Variants in KCNE5 observed in about 807,000 individuals in gnomAD.
KCNE5 encodes the protein potassium voltage-gated channel subfamily E regulatory subunit 5, also known as potassium voltage-gated channel subfamily E regulatory beta subunit 5.
For synonymous variants in KCNE5, 65 were observed against 62.3 expected (o/e 1.04, Z -0.20); for missense variants, 131 against 132.9 (o/e 0.99, Z 0.07).
In KCNE5 at chrX:109,624,723, C is replaced by G. The variant is rs775987548; in HGVS notation, c.298G>C (p.Glu100Gln). The change falls in exon 1 of 1, where the codon GAG (glutamate) becomes CAG (glutamine). Residue 100 changes from glutamate to glutamine, a missense_variant. Physicochemically the swap from Glu to Gln is conservative, Grantham distance 29. Transcript: ENST00000372101. ...AKDEPSQACA[E>Q]HEWAPGGALT... is the part of the protein sequence containing the mutation. Reference sequence around the variant, plus strand: ...GCGCCTCCCGGGGCCCATTCGTGCTCGGCGCAAGCCTGGGACGGCTCGTCC... The same window carrying G: ...GCGCCTCCCGGGGCCCATTCGTGCTGGGCGCAAGCCTGGGACGGCTCGTCC... 240 of 1,205,677 alleles carry G rather than the reference C, an allele frequency of 2.0e-4. No individual in the cohort carries two copies. The highest frequency in any genetic ancestry group is 2.6e-4 in the Non-Finnish European group (228 of 892,760).
Position 109,624,810 on chromosome X carries a change from C to G in KCNE5, c.211G>C (p.Ala71Pro). 8.3e-7 allele frequency: 1 copy of G among 1,212,101 alleles called. No individual in the cohort carries two copies. The highest frequency in any genetic ancestry group is 3.0e-5 in the East Asian group (1 of 33,800). Residue 71 changes from alanine to proline, a missense_variant, in exon 1 of 1, where the codon GCC becomes CCC. Physicochemically the swap from Ala to Pro is conservative, Grantham distance 27. Transcript: ENST00000372101. Reference sequence around the variant, plus strand: ...AGGATGAGGCCTCCGGCCAAGCAGGCGTAGAAGATCATGATGAGCAGGATG... The same window carrying G: ...AGGATGAGGCCTCCGGCCAAGCAGGGGTAGAAGATCATGATGAGCAGGATG... Reference protein sequence around the residue: ...LYILLIMIFYACLAGGLILAY... With the variant: ...LYILLIMIFYPCLAGGLILAY...
At position 109,624,739 on chromosome X, in the gene KCNE5, C is replaced by T. The variant is rs1934264095; in HGVS notation, c.282G>A (p.Pro94=). ...SRKLVEAKDE[P]SQACAEHEWA... ...ATTCGTGCTCGGCGCAAGCCTGGGA[C>T]GGCTCGTCCTTGGCCTCGACGAGCT... The change falls in exon 1 of 1, where the codon CCG becomes CCA. Residue 94 remains proline, a synonymous_variant. Coordinates refer to ENST00000372101, the MANE Select transcript of KCNE5 (RefSeq NM_012282.4). 1 of 1,209,615 alleles carries T rather than the reference C, an allele frequency of 8.3e-7. No homozygotes were observed. Among genetic ancestry groups the T allele is most frequent in the Non-Finnish European group, 1.1e-6 (1 of 894,411 alleles).
Position 109,624,459 on chromosome X carries a change from T to A in KCNE5, c.*133A>T. The A allele has an allele frequency of 1.7e-6, 1 of 585,413 alleles. No homozygotes were observed. The highest frequency in any genetic ancestry group is 3.6e-5 in the South Asian group (1 of 27,782). The allele number at this position is 585,413 out of a possible 1,213,427, so 48.2% of individuals were successfully genotyped here. On this transcript the variant is annotated 3_prime_UTR_variant, in exon 1 of 1. Coordinates refer to ENST00000372101, the MANE Select transcript of KCNE5 (RefSeq NM_012282.4). ...CTTCCAGGGCCTTCCAGACAAGGTC[T>A]CCTGGCCTCTCACCATTATCTGGGC...
rs756107537 is a variant in KCNE5 at position 109,625,001 on chromosome X, T to C, written c.20A>G (p.Gln7Arg). The C allele has an allele frequency of 1.7e-5, 20 of 1,198,945 alleles. No individual in the cohort carries two copies. The highest frequency in any genetic ancestry group is 3.0e-5 in the East Asian group (1 of 33,043). MNCSES[Q>R]RLRTLLSRLL... ...GCGGCTCAGAAGGGTTCGCAGCCGC[T>C]GGCTCTCGCTGCAGTTCATGGCTTT... The change falls in exon 1 of 1, where the codon CAG (glutamine) becomes CGG (arginine). Residue 7 changes from glutamine to arginine, a missense_variant. Coordinates refer to ENST00000372101, the MANE Select transcript of KCNE5 (RefSeq NM_012282.4).
In KCNE5 at chrX:109,624,653, C is replaced by T. The variant is rs746974037; in HGVS notation, c.368G>A (p.Gly123Asp). The change falls in exon 1 of 1, where the codon GGC becomes GAC. Residue 123 changes from glycine (G) to aspartate (D), a missense_variant. Coordinates refer to ENST00000372101, the MANE Select transcript of KCNE5 (RefSeq NM_012282.4). ...CCCCTCGGAGGCAAGCTGGCGGCGG[C>T]CCTCGGCCTGGGAGCCCGCGGCAGC... ...AEAAAGSQAE[G>D]RRQLASEGLP... 18 of 1,158,768 alleles carry T rather than the reference C, an allele frequency of 1.6e-5. No individual in the cohort carries two copies. In the South Asian group the frequency reaches 3.5e-4, roughly 23 times the overall value.
Position 109,624,515 on chromosome X carries a change from G to A in KCNE5, c.*77C>T. 1.1e-6 allele frequency: 1 copy of A among 907,143 alleles called. No homozygotes were observed. The highest frequency in any genetic ancestry group is 1.5e-6 in the Non-Finnish European group (1 of 688,165). 74.8% of individuals were successfully genotyped at this position (907,143 alleles called of 1,213,427 possible). A position where few individuals can be genotyped will look rare whatever the true frequency, so the allele number is the denominator to read the frequency against. Reference sequence around the variant, plus strand: ...ATGAGGCGAACCCTGGAAGGGAGTTGGGGGTGGAAGGTGGGAGGCGCGCCC... The same window carrying A: ...ATGAGGCGAACCCTGGAAGGGAGTTAGGGGTGGAAGGTGGGAGGCGCGCCC... On this transcript the variant is annotated 3_prime_UTR_variant, in exon 1 of 1. Coordinates refer to ENST00000372101, the MANE Select transcript of KCNE5 (RefSeq NM_012282.4).
At position 109,624,579 on chromosome X, in the gene KCNE5, T is replaced by C. The variant is rs1488532184; in HGVS notation, c.*13A>G. ...ATGAGGAGGGCGCGAACCAGCAATC[T>C]GGGGCTGTGGTTTTAGACCCGCTCA... On this transcript the variant is annotated 3_prime_UTR_variant, in exon 1 of 1. Transcript: ENST00000372101. 2 of 1,094,257 alleles carry C rather than the reference T, an allele frequency of 1.8e-6. No homozygotes were observed. Among genetic ancestry groups the C allele is most frequent in the Non-Finnish European group, 2.4e-6 (2 of 842,871 alleles). 90.2% of individuals were successfully genotyped at this position (1,094,257 alleles called of 1,213,427 possible). A position where few individuals can be genotyped will look rare whatever the true frequency, so the allele number is the denominator to read the frequency against.
rs1934254950 is a variant in KCNE5, at chrX:109,624,306, G to T, written c.*286C>A. 9.8e-6 allele frequency: 3 copies of T among 306,363 alleles called. No homozygotes were observed. Among genetic ancestry groups the T allele is most frequent in the Admixed American group, 6.0e-5 (1 of 16,619 alleles). The allele number at this position is 306,363 out of a possible 1,213,427, so 25.2% of individuals were successfully genotyped here. ...GATTCAGTTCCCAGAGGGCTGGAGC[G>T]TGCTGTCAGGGCTGTCTGAAGACAA... is the stretch of plus-strand genomic sequence containing the variant. On this transcript the variant is annotated 3_prime_UTR_variant, in exon 1 of 1. Coordinates refer to ENST00000372101, the MANE Select transcript of KCNE5 (RefSeq NM_012282.4).
In KCNE5 at chrX:109,624,624, G is replaced by C; in HGVS notation, c.397C>G (p.Pro133Ala). ...CGCTCAGCGCCCTGGGCGAGGGCAG[G>C]CAGCCCCTCGGAGGCAAGCTGGCGG... is the stretch of plus-strand genomic sequence containing the variant. Reference protein sequence around the residue: ...GRRQLASEGLPALAQGAERV With the variant: ...GRRQLASEGLAALAQGAERV Residue 133 changes from proline (P) to alanine (A), a missense_variant, in exon 1 of 1, where the codon CCT (proline) becomes GCT (alanine). By Grantham distance (27) the Pro-to-Ala change is conservative. Transcript: ENST00000372101. 1 of 1,136,575 alleles carries C rather than the reference G, an allele frequency of 8.8e-7. No homozygotes were observed. The highest frequency in any genetic ancestry group is 1.2e-6 in the Non-Finnish European group (1 of 862,049). The allele number at this position is 1,136,575 out of a possible 1,213,427, so 93.7% of individuals were successfully genotyped here.
Position 109,624,776 on chromosome X carries a change from G to T in KCNE5, c.245C>A (p.Thr82Asn). 5 of 1,212,226 alleles carry T rather than the reference G, an allele frequency of 4.1e-6. No individual in the cohort carries two copies. Among genetic ancestry groups the T allele is most frequent in the Non-Finnish European group, 4.5e-6 (4 of 895,466 alleles). The change falls in exon 1 of 1, where the codon ACC (threonine) becomes AAC (asparagine). Residue 82 changes from threonine to asparagine, a missense_variant. Physicochemically the swap from Thr to Asn is moderately conservative, Grantham distance 65. Coordinates refer to ENST00000372101, the MANE Select transcript of KCNE5 (RefSeq NM_012282.4). Reference protein sequence around the residue: ...CLAGGLILAYTRSRKLVEAKD... With the variant: ...CLAGGLILAYNRSRKLVEAKD... ...GGCCTCGACGAGCTTACGGGAGCGG[G>T]TGTAGGCCAGGATGAGGCCTCCGGC... is the stretch of plus-strand genomic sequence containing the variant.
Position 109,624,521 on chromosome X carries a change from G to C in KCNE5, c.*71C>G, listed in dbSNP as rs772468222. The C allele has an allele frequency of 2.0e-4, 194 of 948,711 alleles. 1 individual carries two copies. In the African/African-American group the frequency reaches 3.4e-3, roughly 17 times the overall value. 78.2% of individuals were successfully genotyped at this position (948,711 alleles called of 1,213,427 possible). A position where few individuals can be genotyped will look rare whatever the true frequency, so the allele number is the denominator to read the frequency against. On this transcript the variant is annotated 3_prime_UTR_variant, in exon 1 of 1. Coordinates refer to ENST00000372101, the MANE Select transcript of KCNE5 (RefSeq NM_012282.4). ...CGAACCCTGGAAGGGAGTTGGGGGT[G>C]GAAGGTGGGAGGCGCGCCCAGGGAT...
At position 109,624,958 on chromosome X, in the gene KCNE5, G is replaced by A. The variant is rs761218560; in HGVS notation, c.63C>T (p.His21=). 6 of 1,210,790 alleles carry A rather than the reference G, an allele frequency of 5.0e-6. No homozygotes were observed. The East Asian group carries it at 1.5e-4, about 30-fold the overall frequency. Residue 21 remains histidine (H), a synonymous_variant, in exon 1 of 1, where the codon CAC becomes CAT. Coordinates refer to ENST00000372101, the MANE Select transcript of KCNE5 (RefSeq NM_012282.4). ...TLLSRLLLEL[H]HRGNASGLGA... Reference sequence around the variant, plus strand: ...CCAAGCCGCTGGCATTACCCCGGTGGTGCAGCTCGAGCAACAGGCGGCTCA... The same window carrying A: ...CCAAGCCGCTGGCATTACCCCGGTGATGCAGCTCGAGCAACAGGCGGCTCA...
chrX:109,625,040 G>A lies in KCNE5; in HGVS notation c.-20C>T. On this transcript the variant is annotated 5_prime_UTR_variant, in exon 1 of 1. Coordinates refer to ENST00000372101, the MANE Select transcript of KCNE5 (RefSeq NM_012282.4). The stretch of plus-strand genomic sequence containing the variant: ...GTTCATGGCTTTCGGGGAGTGACAC[G>A]GCGGCTCCAGGACGCTGCTGACCTT... The A allele has an allele frequency of 8.5e-6, 10 of 1,174,912 alleles. No individual in the cohort carries two copies. The highest frequency in any genetic ancestry group is 1.1e-5 in the Non-Finnish European group (10 of 876,694).
At position 109,624,442 on chromosome X, in the gene KCNE5, G is replaced by A. The variant is rs902989841; in HGVS notation, c.*150C>T. 4.0e-6 allele frequency: 2 copies of A among 502,801 alleles called. No individual in the cohort carries two copies. Among genetic ancestry groups the A allele is most frequent in the Non-Finnish European group, 6.1e-6 (2 of 330,382 alleles). The allele number at this position is 502,801 out of a possible 1,213,427, so 41.4% of individuals were successfully genotyped here. On this transcript the variant is annotated 3_prime_UTR_variant, in exon 1 of 1. Coordinates refer to ENST00000372101, the MANE Select transcript of KCNE5 (RefSeq NM_012282.4). ...GTAAGGTGGTGCTTCTCCTTCCAGGGCCTTCCAGACAAGGTCTCCTGGCCT... is the reference window on the plus strand; with the variant it reads ...GTAAGGTGGTGCTTCTCCTTCCAGGACCTTCCAGACAAGGTCTCCTGGCCT...
Position 109,625,121 on chromosome X carries a change from C to T in KCNE5, c.-101G>A. The stretch of plus-strand genomic sequence containing the variant: ...AGCGGGCCGGCCGGCGGGCAGGGCT[C>T]AGCAGCGGAAACAGCGGTAGCACCC... On this transcript the variant is annotated 5_prime_UTR_variant, in exon 1 of 1. Coordinates refer to ENST00000372101, the MANE Select transcript of KCNE5 (RefSeq NM_012282.4). 1 of 970,183 alleles carries T rather than the reference C, an allele frequency of 1.0e-6. No homozygotes were observed. The highest frequency in any genetic ancestry group is 1.4e-6 in the Non-Finnish European group (1 of 700,336). The allele number at this position is 970,183 out of a possible 1,213,427, so 80.0% of individuals were successfully genotyped here.
In KCNE5 at chrX:109,624,688, G is replaced by A. The variant is rs752061790; in HGVS notation, c.333C>T (p.Ala111=). 100 of 1,184,342 alleles carry A rather than the reference G, an allele frequency of 8.4e-5. 1 individual carries two copies. In the Admixed American group the frequency reaches 1.3e-3, roughly 16 times the overall value. Residue 111 remains alanine, a synonymous_variant, in exon 1 of 1, where the codon GCC becomes GCT. Coordinates refer to ENST00000372101, the MANE Select transcript of KCNE5 (RefSeq NM_012282.4). The part of the protein sequence containing the change: ...HEWAPGGALT[A]DAEAAAGSQA... ...GGGAGCCCGCGGCAGCCTCGGCGTCGGCGGTCAGGGCGCCTCCCGGGGCCC... is the reference window on the plus strand; with the variant it reads ...GGGAGCCCGCGGCAGCCTCGGCGTCAGCGGTCAGGGCGCCTCCCGGGGCCC...
chrX:109,624,759 C>T lies in KCNE5; in HGVS notation c.262G>A (p.Val88Ile), dbSNP rs145491359. The change falls in exon 1 of 1, where the codon GTC becomes ATC. Residue 88 changes from valine (V) to isoleucine (I), a missense_variant. By Grantham distance (29) the Val-to-Ile change is conservative. Coordinates refer to ENST00000372101, the MANE Select transcript of KCNE5 (RefSeq NM_012282.4). ...ILAYTRSRKL[V>I]EAKDEPSQAC... ...TGGGACGGCTCGTCCTTGGCCTCGACGAGCTTACGGGAGCGGGTGTAGGCC... is the reference window on the plus strand; with the variant it reads ...TGGGACGGCTCGTCCTTGGCCTCGATGAGCTTACGGGAGCGGGTGTAGGCC... 1.6e-5 allele frequency: 19 copies of T among 1,210,731 alleles called. No individual in the cohort carries two copies. In the African/African-American group the frequency reaches 2.9e-4, roughly 19 times the overall value.
At position 109,624,423 on chromosome X, in the gene KCNE5, T is replaced by C. The variant is rs368855775; in HGVS notation, c.*169A>G. On this transcript the variant is annotated 3_prime_UTR_variant, in exon 1 of 1. Transcript: ENST00000372101. Reference sequence around the variant, plus strand: ...GAGAAACTGGCCCGAATGGGTAAGGTGGTGCTTCTCCTTCCAGGGCCTTCC... The same window carrying C: ...GAGAAACTGGCCCGAATGGGTAAGGCGGTGCTTCTCCTTCCAGGGCCTTCC... The C allele has an allele frequency of 8.0e-5, 34 of 426,163 alleles. No homozygotes were observed. Among genetic ancestry groups the C allele is most frequent in the East Asian group, 4.4e-4 (10 of 22,703 alleles). The allele number at this position is 426,163 out of a possible 1,213,427, so 35.1% of individuals were successfully genotyped here.
Position 109,624,543 on chromosome X carries a change from G to A in KCNE5, c.*49C>T, listed in dbSNP as rs993973707. The A allele has an allele frequency of 1.9e-6, 2 of 1,031,343 alleles. No homozygotes were observed. Among genetic ancestry groups the A allele is most frequent in the Non-Finnish European group, 1.3e-6 (1 of 794,925 alleles). The allele number at this position is 1,031,343 out of a possible 1,213,427, so 85.0% of individuals were successfully genotyped here. A position where few individuals can be genotyped will look rare whatever the true frequency, so the allele number is the denominator to read the frequency against. On this transcript the variant is annotated 3_prime_UTR_variant, in exon 1 of 1. Coordinates refer to ENST00000372101, the MANE Select transcript of KCNE5 (RefSeq NM_012282.4). The stretch of plus-strand genomic sequence containing the variant: ...GGTGGAAGGTGGGAGGCGCGCCCAG[G>A]GATGAGCGAGATGAGGAGGGCGCGA...
Sources: gnomAD v4.1 joint callset for allele counts on GRCh38, gnomAD v4.1.1 for gene constraint, MANE v1.5 for transcripts, NCBI Gene and HGNC (gene_info 2026-07-23, HGNC 2026-07-21) for gene names.